MSI2: variants seen among roughly 807,000 people sequenced by gnomAD.
MSI2 encodes musashi RNA binding protein 2.
Under a neutral mutation model 45.6 loss-of-function variants are expected in MSI2, and 17 were observed. The observed-to-expected ratio is 0.37, with a 90% CI of 0.26 to 0.56. The LOEUF (loss-of-function observed/expected upper bound fraction) is 0.56. Among genes scored for constraint, MSI2 ranks in the 20% least tolerant of loss-of-function variants. MSI2 has a pLI of 0.77. For synonymous variants in MSI2, 156 were observed against 158.2 expected (o/e 0.99, Z 0.11); for missense variants, 293 against 444.2 (o/e 0.66, Z 3.06).
intron 6 of MSI2, among the ~76,000 whole-genome samples, chr17:57,461,925 C>G (rs372089098): frequency 2.0e-5 from 3 of 152,174 alleles, no homozygotes; most frequent in African/African-American, 7.2e-5. Flanking sequence ...TTCTCTCTTT[C>G]TGTATTAGTT....
At chr17:57,430,474 G>A (rs2084574096) in intron 6 of MSI2, among the ~76,000 whole-genome samples, 1 of 152,236 alleles carries the variant, frequency 6.6e-6, no homozygotes, top group South Asian at 2.1e-4. Context: ...CTCCTGGTCT[G>A]GCAAATGGGG....
intron 5 of MSI2, among the ~76,000 whole-genome samples, chr17:57,305,595 A>G (rs1911812293): frequency 6.6e-6 from 1 of 152,298 alleles, no homozygotes; most frequent in East Asian, 1.9e-4. Context: ...TGCGTTTGAT[A>G]TCGGGCAGTT....
chr17:57,607,540 C>G (rs921398554), intron 8 of MSI2, among the ~76,000 whole-genome samples: 1 of 152,214 alleles, frequency 6.6e-6, no homozygotes, highest in Non-Finnish European at 1.5e-5. Context: ...GGTCCCTGTC[C>G]ACAAGGACAG....
chr17:57,589,382 T>C (rs1904611627), intron 7 of MSI2, among the ~76,000 whole-genome samples: 1 of 152,216 alleles, frequency 6.6e-6, no homozygotes, highest in Admixed American at 6.5e-5. Flanking sequence ...CCAAGGCATG[T>C]GATGCCACCT....
intron 6 of MSI2, among the ~76,000 whole-genome samples, chr17:57,498,264 A>G (rs2086020735): frequency 6.6e-6 from 1 of 152,360 alleles, no homozygotes; most frequent in East Asian, 1.9e-4. Context: ...CAATACCCCA[A>G]TTATGCCAAA....
At chr17:57,670,515 A>G (rs12936919) in intron 11 of MSI2, among the ~76,000 whole-genome samples, 55,029 of 152,130 alleles carry the variant, frequency 0.36, 11,129 homozygotes, top group African/African-American at 0.53. Context: ...TAGGTCAGCC[A>G]TCAGAGTATT....
At chr17:57,661,525 GCCTGGCTGTAGCT>G (rs955122941) in intron 11 of MSI2, among the ~76,000 whole-genome samples, 3 of 152,076 alleles carry the variant, frequency 2.0e-5, no homozygotes, top group African/African-American at 7.2e-5. Flanking sequence ...AAGAAGATAA[GCCTGGCTGTAGCT>G]CCACAAAGAA....
intron 11 of MSI2, among the ~76,000 whole-genome samples, chr17:57,658,029 A>G (rs1911731517): frequency 6.6e-6 from 1 of 152,154 alleles, no homozygotes; most frequent in Non-Finnish European, 1.5e-5. Context: ...AAATGGATCA[A>G]TGTGTGCCTT....
intron 5 of MSI2, among the ~76,000 whole-genome samples, chr17:57,332,580 G>A (rs1490019585): frequency 6.6e-6 from 1 of 152,204 alleles, no homozygotes; most frequent in Non-Finnish European, 1.5e-5. Flanking sequence ...GAGCCTTTGT[G>A]CAAAGAACTG....
intron 6 of MSI2, among the ~76,000 whole-genome samples, chr17:57,439,372 C>T (rs758291731): frequency 6.6e-6 from 1 of 152,104 alleles, no homozygotes; most frequent in Non-Finnish European, 1.5e-5. Flanking sequence ...ATTTAGAGGA[C>T]GAGGAGGACT....
At chr17:57,593,330 A>G (rs966154779) in intron 7 of MSI2, among the ~76,000 whole-genome samples, 1 of 152,002 alleles carries the variant, frequency 6.6e-6, no homozygotes. Context: ...AACAACAGAA[A>G]CTTCTTGTCT....
intron 7 of MSI2, among the ~76,000 whole-genome samples, chr17:57,571,200 C>T (rs957665571): frequency 1.3e-5 from 2 of 152,164 alleles, no homozygotes; most frequent in African/African-American, 2.4e-5. Flanking sequence ...CATTTAGCTC[C>T]GAGGAACCAG....
Position 57,407,359 on chromosome 17 carries a change from A to G in MSI2, c.405+5888A>G, listed in dbSNP as rs1312512648. Reference sequence around the variant, plus strand: ...ATACTGTATGTGTGAGGAGAGTCATACCTGGAATAAAAGTCTCATAAAGCC... The same window carrying G: ...ATACTGTATGTGTGAGGAGAGTCATGCCTGGAATAAAAGTCTCATAAAGCC... On this transcript the variant is annotated intron_variant, in intron 6 of 13. Transcript: ENST00000284073. The surrounding 1 kb of genome is among the most constrained non-coding windows in gnomAD (Gnocchi z 4.1). Among the ~76,000 whole-genome samples, 1 of 152,100 alleles carries G rather than the reference A, an allele frequency of 6.6e-6. No homozygotes were observed. The highest frequency in any genetic ancestry group is 1.5e-5 in the Non-Finnish European group (1 of 68,000).
intron 7 of MSI2, among the ~76,000 whole-genome samples, chr17:57,577,448 G>GGT (rs2144347698): frequency 6.6e-6 from 1 of 152,226 alleles, no homozygotes; most frequent in East Asian, 1.9e-4. Flanking sequence ...GAGCCCAACT[G>GGT]GTAATATTTC....
intron 7 of MSI2, among the ~76,000 whole-genome samples, chr17:57,586,942 G>A (rs552259343): frequency 3.3e-5 from 5 of 152,236 alleles, no homozygotes; most frequent in Admixed American, 6.5e-5. Context: ...TTTACCATAT[G>A]GTCTCCACTT....
intron 7 of MSI2, among the ~76,000 whole-genome samples, chr17:57,544,680 G>T (rs1441801987): frequency 6.6e-6 from 1 of 152,290 alleles, no homozygotes; most frequent in Non-Finnish European, 1.5e-5. Flanking sequence ...GTGTGTAATG[G>T]TTTGACAATA....
chr17:57,680,227 C>T lies in MSI2; in HGVS notation c.*710C>T, dbSNP rs189058944. ...TTGTTAATCTGAGTCTATCTATTTT[C>T]GGCAATAAGGTAAGGACGACAGTGT... is the stretch of plus-strand genomic sequence containing the variant. On this transcript the variant is annotated 3_prime_UTR_variant, in exon 14 of 14. Coordinates refer to ENST00000284073, the MANE Select transcript of MSI2 (RefSeq NM_138962.4). The T allele has an allele frequency of 2.4e-3, 559 of 228,930 alleles. 2 individuals carry two copies. Among genetic ancestry groups the T allele is most frequent in the Non-Finnish European group, 3.3e-3 (382 of 115,372 alleles). The allele number at this position is 228,930 out of a possible 1,614,324, so 14.2% of individuals were successfully genotyped here.
chr17:57,661,842 A>C (rs550283915), intron 11 of MSI2, among the ~76,000 whole-genome samples: 4 of 152,156 alleles, frequency 2.6e-5, no homozygotes, highest in Non-Finnish European at 5.9e-5. Context: ...TTTGGCTCAA[A>C]GTGCCAGAAA....
At chr17:57,559,550 C>T (rs934762380) in intron 7 of MSI2, among the ~76,000 whole-genome samples, 3 of 152,210 alleles carry the variant, frequency 2.0e-5, no homozygotes, top group African/African-American at 7.2e-5. Context: ...CCATCCATAG[C>T]CATATAGAAT....
Sources: gnomAD v4.1 joint callset for allele counts (sites outside exome capture counted in the v4.1 genomes callset) on GRCh38, gnomAD v4.1.1 for gene constraint, Gnocchi (gnomAD v3.1) non-coding constraint, MANE v1.5 for transcripts, NCBI Gene and HGNC (gene_info 2026-07-23, HGNC 2026-07-21) for gene names.